Variants in FMN1 observed in about 807,000 individuals in gnomAD.
FMN1 encodes the protein formin 1.
Under a neutral mutation model 132.4 loss-of-function variants are expected in FMN1, and 110 were observed. That is an observed-to-expected ratio of 0.83 (90% CI 0.71 to 0.97). FMN1 has a LOEUF of 0.97. Among genes scored for constraint, FMN1 ranks in the 50% least tolerant of loss-of-function variants. FMN1 has a pLI of 0.00. For missense variants in FMN1, 1,792 were observed against 1,705.3 expected (o/e 1.05, Z -0.90); for synonymous variants, 722 against 651.7 (o/e 1.11, Z -1.64).
chr15:32,828,085 G>A (rs1464035452), intron 17 of FMN1, among the ~76,000 whole-genome samples: 1 of 152,184 alleles, frequency 6.6e-6, no homozygotes, highest in Non-Finnish European at 1.5e-5. Flanking sequence ...TTGAGGTTGG[G>A]AGTTTGAAAC....
intron 11 of FMN1, among the ~76,000 whole-genome samples, chr15:32,910,244 G>A (rs1042611367): frequency 2.6e-5 from 4 of 152,190 alleles, no homozygotes; most frequent in African/African-American, 9.7e-5. Flanking sequence ...GTCCACCTGA[G>A]ATGCCCTGCC....
At position 33,130,276 on chromosome 15, in the gene FMN1, A is replaced by G. The variant is rs535904149; in HGVS notation, c.1867+22772T>C. Among the ~76,000 whole-genome samples the G allele has an allele frequency of 2.0e-5, 3 of 152,354 alleles. No individual in the cohort carries two copies. The South Asian group carries it at 6.2e-4, about 32-fold the overall frequency. Reference sequence around the variant, plus strand: ...CATTGAGGAGAAATTCGTTGTGTTCAGAAGACTGTACAGAACTCAAAATAT... The same window carrying G: ...CATTGAGGAGAAATTCGTTGTGTTCGGAAGACTGTACAGAACTCAAAATAT... On this transcript the variant is annotated intron_variant, in intron 4 of 20. Coordinates refer to ENST00000616417, the MANE Select transcript of FMN1 (RefSeq NM_001277313.2).
intron 6 of FMN1, among the ~76,000 whole-genome samples, chr15:33,009,106 T>C (rs2034570961): frequency 6.6e-6 from 1 of 152,202 alleles, no homozygotes; most frequent in African/African-American, 2.4e-5. Flanking sequence ...ACCTCTACTG[T>C]TGTGGGGAAG....
chr15:33,159,480 A>G (rs1282829252), intron 3 of FMN1, among the ~76,000 whole-genome samples: 1 of 152,254 alleles, frequency 6.6e-6, no homozygotes, highest in East Asian at 1.9e-4. Context: ...TAACACATTT[A>G]GAAGGAATCA....
rs1555464738 is a variant in FMN1 at position 32,823,168 on chromosome 15, T to TTG, written c.3929-18837_3929-18836insCA. ...GTTTCTACTGTTTTTTTTTTTTTTT[T>TTG]TTTTTTTTTTTGAGACAGAGTCTTG... On this transcript the variant is annotated intron_variant, in intron 17 of 20. Coordinates refer to ENST00000616417, the MANE Select transcript of FMN1 (RefSeq NM_001277313.2). 4.8e-3 allele frequency among the ~76,000 whole-genome samples: 476 copies of TTG among 99,210 alleles called. 12 individuals are homozygous for TTG. The South Asian group carries it at 0.078, about 16-fold the overall frequency. The allele number at this position is 99,210 out of a possible 152,430, so 65.1% of individuals were successfully genotyped here.
intron 10 of FMN1, among the ~76,000 whole-genome samples, chr15:32,924,735 C>T (rs1385197785): frequency 2.6e-5 from 4 of 152,308 alleles, no homozygotes; most frequent in Admixed American, 6.5e-5. Flanking sequence ...GTCTGACCAA[C>T]ATGGAGAAGC....
At chr15:32,953,682 T>C (rs1422739314) in intron 9 of FMN1, among the ~76,000 whole-genome samples, 1 of 152,116 alleles carries the variant, frequency 6.6e-6, no homozygotes, top group East Asian at 1.9e-4. Flanking sequence ...CTCTCGACCG[T>C]GGAAACTCTG....
At chr15:32,963,927 A>ACACACAC (rs1180213194) in intron 9 of FMN1, among the ~76,000 whole-genome samples, 180 bp downstream of exon 9, 1 of 148,638 alleles carries the variant, frequency 6.7e-6, no homozygotes, top group Non-Finnish European at 1.5e-5. Flanking sequence ...TATGAATCAC[A>ACACACAC]CACACACACA....
chr15:32,807,934 G>A (rs1478762842), intron 17 of FMN1, among the ~76,000 whole-genome samples: 1 of 152,184 alleles, frequency 6.6e-6, no homozygotes, highest in Non-Finnish European at 1.5e-5. Context: ...CTACTTGAAT[G>A]TGTAAAATTT....
At chr15:33,138,565 G>C (rs1213614078) in intron 4 of FMN1, among the ~76,000 whole-genome samples, 1 of 151,984 alleles carries the variant, frequency 6.6e-6, no homozygotes, top group Non-Finnish European at 1.5e-5. Context: ...AGCAAACTTT[G>C]TATTTTCATG....
intron 5 of FMN1, among the ~76,000 whole-genome samples, chr15:33,065,600 T>C (rs2037688320): frequency 6.6e-6 from 1 of 152,226 alleles, no homozygotes. Context: ...TTTATATGTG[T>C]TGATTTTTAC....
At chr15:32,923,620 C>T (rs953025253) in intron 10 of FMN1, among the ~76,000 whole-genome samples, 6 of 152,144 alleles carry the variant, frequency 3.9e-5, no homozygotes, top group Non-Finnish European at 5.9e-5. Flanking sequence ...TGAAAGTTCA[C>T]GTACGCTTCA....
At chr15:33,146,085 C>T (rs891062100) in intron 4 of FMN1, among the ~76,000 whole-genome samples, 2 of 151,318 alleles carry the variant, frequency 1.3e-5, no homozygotes, top group African/African-American at 2.4e-5. Flanking sequence ...AAGAGATTCT[C>T]GGGCTTCAGC....
At chr15:33,059,688 T>C (rs2037395425) in intron 6 of FMN1, among the ~76,000 whole-genome samples, 1 of 152,162 alleles carries the variant, frequency 6.6e-6, no homozygotes, top group African/African-American at 2.4e-5. Context: ...TATTAATAAG[T>C]TATGTGTATC....
At chr15:33,084,168 A>G (rs8033103) in intron 5 of FMN1, among the ~76,000 whole-genome samples, 3,874 of 152,286 alleles carry the variant, frequency 0.025, 168 homozygotes, top group African/African-American at 0.088. Context: ...TGGAGTAGCT[A>G]TTCTTTTATT....
chr15:32,824,669 C>A (rs1436821587), intron 17 of FMN1, among the ~76,000 whole-genome samples: 3 of 152,180 alleles, frequency 2.0e-5, no homozygotes, highest in Non-Finnish European at 4.4e-5. Flanking sequence ...TCAAGGCTCA[C>A]TGGAGCCTCC....
chr15:32,875,017 C>T (rs1190035996), intron 16 of FMN1, among the ~76,000 whole-genome samples: 12 of 152,150 alleles, frequency 7.9e-5, no homozygotes, highest in East Asian at 5.8e-4. Flanking sequence ...TCTGGTCCAG[C>T]GGGTCCTGGT....
chr15:32,780,974 T>C (rs745626457), intron 19 of FMN1, among the ~76,000 whole-genome samples: 46 of 152,310 alleles, frequency 3.0e-4, no homozygotes, highest in Non-Finnish European at 4.0e-4. Context: ...AATAATTTCA[T>C]GATAGAGGTT....
chr15:33,010,434 C>G lies in FMN1; in HGVS notation c.2162-2359G>C, dbSNP rs146706070. Among the ~76,000 whole-genome samples the G allele has an allele frequency of 2.0e-3, 303 of 151,998 alleles. 2 individuals are homozygous for G. The highest frequency in any genetic ancestry group is 7.1e-3 in the African/African-American group (296 of 41,422). On this transcript the variant is annotated intron_variant, in intron 6 of 20. Transcript: ENST00000616417. ...TACATGAATCCATACACATTAAGTT[C>G]AAGAAAAAGTACACCAAAAAAAGGA...
Sources: gnomAD v4.1 joint callset for allele counts (sites outside exome capture counted in the v4.1 genomes callset) on GRCh38, gnomAD v4.1.1 for gene constraint, MANE v1.5 for transcripts, NCBI Gene and HGNC (gene_info 2026-07-23, HGNC 2026-07-21) for gene names.